The following TYW1B variants were observed in gnomAD, a reference collection of about 807,000 sequenced individuals.
TYW1B encodes S-adenosyl-L-methionine-dependent tRNA 4-demethylwyosine synthase TYW1B.
A neutral mutation model predicts 86.9 loss-of-function variants in TYW1B; 73 were observed. The ratio of observed to expected loss-of-function variants is 0.84; its 90% CI spans 0.70 to 1.02. TYW1B has a LOEUF of 1.02. Among genes scored for constraint, TYW1B ranks in the 50% least tolerant of loss-of-function variants. TYW1B has a pLI of 0.00. For missense variants in TYW1B, 637 were observed against 827.4 expected, an observed-to-expected ratio of 0.77 and a Z score of 2.82; for synonymous variants, 248 against 292.8, an observed-to-expected ratio of 0.85 and a Z score of 1.56.
intron 11 of TYW1B, among the ~76,000 whole-genome samples, chr7:72,632,312 TTA>T (rs1202854462): frequency 1.1e-5 from 1 of 87,030 alleles, no homozygotes; most frequent in African/African-American, 6.3e-5. Context: ...TGTATATATA[TTA>T]TATATATTAT....
chr7:72,628,402 A>T (rs1196374429), intron 12 of TYW1B, among the ~76,000 whole-genome samples: 1 of 152,242 alleles, frequency 6.6e-6, no homozygotes, highest in Non-Finnish European at 1.5e-5. Context: ...GCTTTAAAAT[A>T]ATCTGGGCTA....
intron 10 of TYW1B, among the ~76,000 whole-genome samples, chr7:72,705,054 T>C (rs1814580721): frequency 6.6e-6 from 1 of 152,208 alleles, no homozygotes; most frequent in African/African-American, 2.4e-5. Context: ...CCGTATTTAC[T>C]TCTATTGAAA....
chr7:72,732,627 A>G (rs1554460166), intron 8 of TYW1B, among the ~76,000 whole-genome samples: 2 of 152,228 alleles, frequency 1.3e-5, no homozygotes, highest in African/African-American at 4.8e-5. Flanking sequence ...ACTAACAGGG[A>G]AGTTTATAAT....
chr7:72,624,441 T>C (rs1476869766), intron 12 of TYW1B, among the ~76,000 whole-genome samples: 2 of 152,262 alleles, frequency 1.3e-5, no homozygotes, highest in Non-Finnish European at 2.9e-5. Context: ...ATCAAGGATG[T>C]AAAATGCAAA....
chr7:72,611,812 T>C (rs2091313094), intron 13 of TYW1B, among the ~76,000 whole-genome samples: 1 of 152,194 alleles, frequency 6.6e-6, no homozygotes, highest in Non-Finnish European at 1.5e-5. Flanking sequence ...TCCTTTGTCC[T>C]GGCGCACACT....
intron 13 of TYW1B, among the ~76,000 whole-genome samples, chr7:72,603,092 TGATGGATGGATGGATG>T (rs61589472): frequency 0.076 from 11,148 of 147,012 alleles, 604 homozygotes; most frequent in East Asian, 0.31. Context: ...GACAGACAGA[TGATGGATGGATGGATG>T]GATGGATGGA....
At chr7:72,611,185 C>T (rs1340828510) in intron 13 of TYW1B, among the ~76,000 whole-genome samples, 2 of 152,136 alleles carry the variant, frequency 1.3e-5, no homozygotes, top group African/African-American at 4.8e-5. Context: ...CCTGATGGGA[C>T]CAAGTAGTCC....
chr7:72,649,163 A>G (rs1332755371), intron 11 of TYW1B, among the ~76,000 whole-genome samples: 8 of 152,240 alleles, frequency 5.3e-5, no homozygotes, highest in African/African-American at 1.7e-4. Flanking sequence ...GGAAAAGGAC[A>G]AAGAAATGAG....
intron 6 of TYW1B, among the ~76,000 whole-genome samples, chr7:72,797,910 A>G (rs1431978251): frequency 2.0e-5 from 3 of 151,984 alleles, no homozygotes; most frequent in Non-Finnish European, 2.9e-5. Context: ...ACATATCAGA[A>G]TTGAATTGAA....
At chr7:72,790,810 C>T (rs1179624346) in intron 6 of TYW1B, among the ~76,000 whole-genome samples, 2 of 152,224 alleles carry the variant, frequency 1.3e-5, no homozygotes, top group Non-Finnish European at 2.9e-5. Context: ...ACCTCTTGTT[C>T]CAGCACGACC....
At chr7:72,645,727 T>A (rs1392694381) in intron 11 of TYW1B, among the ~76,000 whole-genome samples, 2 of 152,074 alleles carry the variant, frequency 1.3e-5, no homozygotes, top group Non-Finnish European at 2.9e-5. Flanking sequence ...CAAATCTACC[T>A]TACGGTGTTA....
In TYW1B at chr7:72,802,242, G is replaced by A. The variant is rs148253132; in HGVS notation, c.846+158C>T. Among the ~76,000 whole-genome samples the A allele has an allele frequency of 2.6e-3, 392 of 152,058 alleles. 1 individual carries two copies. Among genetic ancestry groups the A allele is most frequent in the African/African-American group, 6.7e-3 (278 of 41,476 alleles). ...GCCTGAGAGGGGAGATGCTCACCAC[G>A]CTCATGAAAAATGGCAAAAAAATTA... On this transcript the variant is annotated intron_variant, in intron 6 of 13. Transcript: ENST00000620995.
chr7:72,708,521 C>T (rs1446795895), intron 10 of TYW1B, among the ~76,000 whole-genome samples: 1 of 152,126 alleles, frequency 6.6e-6, no homozygotes, highest in African/African-American at 2.4e-5. Context: ...GCTGAACTTG[C>T]TGACTTGCTG....
At chr7:72,755,201 TGA>T (rs1231435377) in intron 7 of TYW1B, among the ~76,000 whole-genome samples, 1 of 152,118 alleles carries the variant, frequency 6.6e-6, no homozygotes, top group Admixed American at 6.6e-5. Context: ...GTGGATCACT[TGA>T]GTGCAGGAGT....
chr7:72,602,555 T>C (rs1811689759), intron 13 of TYW1B, among the ~76,000 whole-genome samples: 1 of 152,060 alleles, frequency 6.6e-6, no homozygotes, highest in Admixed American at 6.6e-5. Flanking sequence ...CATTCTCCAA[T>C]AAACCATGGC....
chr7:72,624,959 G>A (rs1812306532), intron 12 of TYW1B, among the ~76,000 whole-genome samples: 1 of 151,680 alleles, frequency 6.6e-6, no homozygotes, highest in African/African-American at 2.4e-5. Context: ...TTTGGGTGGC[G>A]GAGGCATGAG....
At chr7:72,679,245 T>C (rs1452875129) in intron 11 of TYW1B, among the ~76,000 whole-genome samples, 5 of 152,204 alleles carry the variant, frequency 3.3e-5, no homozygotes, top group Non-Finnish European at 7.3e-5. Context: ...AAGTTTAAGA[T>C]GTACATATCC....
intron 11 of TYW1B, among the ~76,000 whole-genome samples, chr7:72,629,396 A>C (rs1335620820): frequency 1.1e-4 from 16 of 152,334 alleles, no homozygotes; most frequent in African/African-American, 3.6e-4. Context: ...GTTAGTGACA[A>C]GAATTGTTAG....
At chr7:72,672,639 G>A (rs1813637342) in intron 11 of TYW1B, among the ~76,000 whole-genome samples, 1 of 152,094 alleles carries the variant, frequency 6.6e-6, no homozygotes, top group African/African-American at 2.4e-5. Flanking sequence ...AATAGAGAAG[G>A]CCAACTTTTC....
Sources: allele counts gnomAD v4.1 joint callset (sites outside exome capture counted in the v4.1 genomes callset), GRCh38; gene constraint gnomAD v4.1.1; transcripts MANE v1.5; gene names NCBI Gene and HGNC (gene_info 2026-07-23, HGNC 2026-07-21).